STK3: variants seen among roughly 807,000 people sequenced by gnomAD.
The protein encoded by STK3 is serine/threonine kinase 3, also known as serine/threonine-protein kinase 3.
STK3 carries 41 observed loss-of-function variants against 58.0 expected under a neutral mutation model. The ratio of observed to expected loss-of-function variants is 0.71; its 90% CI spans 0.55 to 0.92. STK3 has a LOEUF of 0.92. Among genes scored for constraint, STK3 ranks in the 40% least tolerant of loss-of-function variants. The probability of loss-of-function intolerance (pLI) is 0.00; values close to 1 mark genes in which losing one functional copy is unlikely to be tolerated. For missense variants in STK3, 479 were observed against 602.7 expected (o/e 0.79, Z 2.15); for synonymous variants, 170 against 191.0 (o/e 0.89, Z 0.91).
intron 3 of STK3, among the ~76,000 whole-genome samples, chr8:98,874,811 A>G (rs1477217899): frequency 6.6e-6 from 1 of 150,612 alleles, no homozygotes; most frequent in African/African-American, 2.4e-5. Context: ...TTTTTTAAAG[A>G]TGGGGTCTCA....
chr8:98,865,423 G>C lies in STK3; in HGVS notation c.110+18224C>G, dbSNP rs142143833. Among the ~76,000 whole-genome samples, 587 of 152,026 alleles carry C rather than the reference G, an allele frequency of 3.9e-3. 6 individuals carry two copies. The highest frequency in any genetic ancestry group is 0.013 in the African/African-American group (554 of 41,454). On this transcript the variant is annotated intron_variant, in intron 3 of 12. Coordinates refer to the STK3 transcript ENST00000523601. Reference sequence around the variant, plus strand: ...GTCTCACTCTGTTGCCTAGGCTGGAGTGCAATGGCATGATATCACTGCAGC... The same window carrying C: ...GTCTCACTCTGTTGCCTAGGCTGGACTGCAATGGCATGATATCACTGCAGC...
In STK3 at chr8:98,455,545, GAT is replaced by G; in HGVS notation, c.*295_*296del. The G allele has an allele frequency of 5.4e-6, 2 of 367,226 alleles. No individual in the cohort carries two copies. The highest frequency in any genetic ancestry group is 8.9e-5 in the Admixed American group (2 of 22,542). The allele number at this position is 367,226 out of a possible 1,614,324, so 22.7% of individuals were successfully genotyped here. On this transcript the variant is annotated 3_prime_UTR_variant, in exon 11 of 11. Transcript: ENST00000419617. ...GCTGTACAATGCAACAATAGCTTTG[GAT>G]TTTCAAGGTTTAGAGACCTTGAAAA...
the STK3 span, among the ~76,000 whole-genome samples, chr8:98,359,901 A>T: frequency 6.6e-6 from 1 of 152,024 alleles, no homozygotes; most frequent in African/African-American, 2.4e-5. Context: ...GTGGCATGGG[A>T]AGGGTAAACA....
At chr8:98,573,959 A>T (rs1813178695) in intron 8 of STK3, among the ~76,000 whole-genome samples, 1 of 152,058 alleles carries the variant, frequency 6.6e-6, no homozygotes. Flanking sequence ...TTATAAAACC[A>T]TCAGACCTCA....
intron 1 of STK3, among the ~76,000 whole-genome samples, chr8:98,812,736 G>A (rs1834305600): frequency 6.6e-6 from 1 of 152,210 alleles, no homozygotes; most frequent in African/African-American, 2.4e-5. Flanking sequence ...GTCCTTTGTA[G>A]GGACATGGAT....
chr8:98,425,328 GACACACAC>G (rs5893464), intron 3 of STK3, among the ~76,000 whole-genome samples: 19 of 150,916 alleles, frequency 1.3e-4, no homozygotes. Context: ...CTCCCTCTCA[GACACACAC>G]ACACACACAC....
intron 6 of STK3, among the ~76,000 whole-genome samples, chr8:98,630,661 A>AAGG (rs546159880): frequency 2.0e-5 from 3 of 148,890 alleles, no homozygotes; most frequent in African/African-American, 5.0e-5. Flanking sequence ...GGAGAAGGAG[A>AAGG]AGGAGAAGGA....
chr8:98,893,470 GAAAGAAAGAAAGAAAGAGAA>G (rs1564087131), intron 1 of STK3, among the ~76,000 whole-genome samples: 508 of 76,144 alleles, frequency 6.7e-3, no homozygotes, highest in African/African-American at 8.3e-3. Context: ...AAGAAAGAAA[GAAAGAAAGAAAGAAAGAGAA>G]AGAAAGAAAG....
At chr8:98,512,053 G>C (rs1479517085) in intron 10 of STK3, among the ~76,000 whole-genome samples, 1 of 151,856 alleles carries the variant, frequency 6.6e-6, no homozygotes, top group Non-Finnish European at 1.5e-5. Context: ...CATGTGTCAT[G>C]TTGGTGTGCT....
chr8:98,522,896 C>T (rs1825468924), intron 10 of STK3, among the ~76,000 whole-genome samples: 1 of 152,140 alleles, frequency 6.6e-6, no homozygotes, highest in African/African-American at 2.4e-5. Context: ...TAAGGCTGAA[C>T]AATATTCCAT....
At chr8:98,447,894 C>T (rs975699623) in intron 1 of STK3, among the ~76,000 whole-genome samples, 2 of 147,898 alleles carry the variant, frequency 1.4e-5, no homozygotes, top group Admixed American at 1.4e-4. Context: ...AATAATTTTA[C>T]ATTAAGAACT....
chr8:98,440,152 G>C (rs77573387), intron 1 of STK3, among the ~76,000 whole-genome samples: 9 of 152,190 alleles, frequency 5.9e-5, no homozygotes, highest in African/African-American at 1.9e-4. Flanking sequence ...CTGCTCCTGG[G>C]GCCCTCCTGA....
chr8:98,737,925 G>C (rs1212179271), intron 4 of STK3, among the ~76,000 whole-genome samples: 3 of 152,052 alleles, frequency 2.0e-5, no homozygotes, highest in African/African-American at 7.2e-5. Context: ...GGCCAGGCTG[G>C]TCTCAAACTC....
chr8:98,496,935 AT>A (rs754331176), intron 10 of STK3, among the ~76,000 whole-genome samples: 1 of 152,128 alleles, frequency 6.6e-6, no homozygotes. Context: ...CTTAAAAATG[AT>A]GAAAATGGCA....
intron 1 of STK3, among the ~76,000 whole-genome samples, chr8:98,898,168 G>A (rs1006963671): frequency 6.6e-6 from 1 of 152,262 alleles, no homozygotes; most frequent in African/African-American, 2.4e-5. Flanking sequence ...GCTGTATTCT[G>A]AGTTCCTGGA....
At chr8:98,695,593 T>C (rs1399725933) in intron 6 of STK3, among the ~76,000 whole-genome samples, 3 of 152,240 alleles carry the variant, frequency 2.0e-5, no homozygotes, top group Non-Finnish European at 4.4e-5. Flanking sequence ...GCACCATTTA[T>C]TAAATAGGGA....
chr8:98,787,479 A>G (rs1832544340), intron 1 of STK3, among the ~76,000 whole-genome samples: 1 of 152,154 alleles, frequency 6.6e-6, no homozygotes. Context: ...CCTGAGAAAG[A>G]AGATAAATCT....
intron 1 of STK3, among the ~76,000 whole-genome samples, chr8:98,817,631 C>T (rs1366930938): frequency 6.6e-6 from 1 of 151,972 alleles, no homozygotes; most frequent in Non-Finnish European, 1.5e-5. Flanking sequence ...TTCCTCATTC[C>T]CCAAGTTGTT....
At chr8:98,554,148 A>G (rs1173695628) in intron 8 of STK3, among the ~76,000 whole-genome samples, 1 of 152,168 alleles carries the variant, frequency 6.6e-6, no homozygotes, top group African/African-American at 2.4e-5. Flanking sequence ...CTTTTAAACT[A>G]TCTACAGCAT....
Sources: allele counts gnomAD v4.1 joint callset (sites outside exome capture counted in the v4.1 genomes callset), GRCh38; gene constraint gnomAD v4.1.1; transcripts MANE v1.5; gene names NCBI Gene and HGNC (gene_info 2026-07-23, HGNC 2026-07-21).